The following LRP1B variants were observed in gnomAD, a reference collection of about 807,000 sequenced individuals.
LRP1B encodes the protein low-density lipoprotein receptor-related protein 1B.
LRP1B carries 217 observed loss-of-function variants against 556.6 expected under a neutral mutation model. That is an observed-to-expected ratio of 0.39 (90% CI 0.35 to 0.44). The LOEUF is 0.44. Among genes scored for constraint, LRP1B ranks in the 20% least tolerant of loss-of-function variants. The pLI is 1.00. For missense variants in LRP1B, 5,053 were observed against 5,620.8 expected, an observed-to-expected ratio of 0.90 and a Z score of 3.23; for synonymous variants, 2,047 against 1,865.8, an observed-to-expected ratio of 1.10 and a Z score of -2.50.
chr2:141,016,029 C>A, intron 12 of LRP1B, 114 bp from the exon 13 acceptor site: 1 of 771,268 alleles, frequency 1.3e-6, no homozygotes, highest in Non-Finnish European at 2.2e-6. Flanking sequence ...CTGATTTGTC[C>A]TCCTATCTAA....
At chr2:141,945,941 T>C (rs1700943039) in intron 1 of LRP1B, among the ~76,000 whole-genome samples, 1 of 61,654 alleles carries the variant, frequency 1.6e-5, no homozygotes, top group African/African-American at 3.8e-5. Context: ...GATTTATTTA[T>C]TTATTTATTT....
rs1477786252 is a variant in LRP1B, at chr2:140,886,217, A to G, written c.3885T>C (p.Phe1295=). Residue 1295 remains phenylalanine, a synonymous_variant, in exon 24 of 91, where the codon TTT becomes TTC. Coordinates refer to ENST00000389484, the MANE Select transcript of LRP1B (RefSeq NM_018557.3). ...AATAAAGTAAACTTTGATTGAAGTG[A>G]AAATCAAGTGCTATTGTGTTTCTCA... ...PGLRNTIALD[F]HFNQSLLYWT... 2.5e-5 allele frequency: 41 copies of G among 1,611,000 alleles called. No homozygotes were observed. The highest frequency in any genetic ancestry group is 3.4e-5 in the Non-Finnish European group (40 of 1,177,674).
At chr2:140,358,753 GTT>G (rs1682361631) in intron 73 of LRP1B, 66 bp downstream of exon 73, 7 of 1,528,550 alleles carry the variant, frequency 4.6e-6, no homozygotes, top group Non-Finnish European at 6.3e-6. Context: ...TTTTTAAAAT[GTT>G]TGTACTCCAA....
intron 45 of LRP1B, among the ~76,000 whole-genome samples, chr2:140,538,017 A>T (rs1679991298): frequency 6.6e-6 from 1 of 152,100 alleles, no homozygotes; most frequent in Non-Finnish European, 1.5e-5. Context: ...ATTATGTTGG[A>T]GGTAAGTAGA....
chr2:141,253,495 C>A lies in LRP1B; in HGVS notation c.463+1027G>T, dbSNP rs191416314. 3.3e-4 allele frequency among the ~76,000 whole-genome samples: 50 copies of A among 152,186 alleles called. 1 individual carries two copies. Among genetic ancestry groups the A allele is most frequent in the Admixed American group, 2.9e-3 (44 of 15,260 alleles). ...AAATGTAACTGAAAAGTCAATGAGC[C>A]TCTTCAGGATAAGACTAAGTGGGCT... On this transcript the variant is annotated intron_variant, in intron 4 of 90. Coordinates refer to ENST00000389484, the MANE Select transcript of LRP1B (RefSeq NM_018557.3).
At chr2:141,055,815 T>TGC (rs1250190554) in intron 9 of LRP1B, among the ~76,000 whole-genome samples, 1 of 151,106 alleles carries the variant, frequency 6.6e-6, no homozygotes, top group Non-Finnish European at 1.5e-5. Context: ...TGTGTGTGTG[T>TGC]GTGTGTGTGT....
At chr2:140,456,061 C>T (rs918611432) in intron 62 of LRP1B, among the ~76,000 whole-genome samples, 1 of 152,048 alleles carries the variant, frequency 6.6e-6, no homozygotes, top group African/African-American at 2.4e-5. Context: ...AATCTAGAGA[C>T]TTACTCTCTA....
chr2:141,547,975 G>A (rs1188529897), intron 2 of LRP1B, among the ~76,000 whole-genome samples: 2 of 152,106 alleles, frequency 1.3e-5, no homozygotes, highest in African/African-American at 2.4e-5. Flanking sequence ...GGGTGACAGT[G>A]GCAGAGACTT....
chr2:141,206,732 C>T (rs1276462279), intron 6 of LRP1B, among the ~76,000 whole-genome samples: 1 of 152,118 alleles, frequency 6.6e-6, no homozygotes, highest in Non-Finnish European at 1.5e-5. Flanking sequence ...CTTTTCCACA[C>T]AAACTTGTAA....
intron 43 of LRP1B, among the ~76,000 whole-genome samples, chr2:140,564,377 C>CAGATTTTCT (rs747251440): frequency 6.4e-4 from 97 of 152,136 alleles, no homozygotes; most frequent in Non-Finnish European, 1.3e-3. Flanking sequence ...CCTTGGATTT[C>CAGATTTTCT]AGATTTTCTA....
chr2:141,015,566 C>T (rs1048667800), intron 13 of LRP1B, 130 bp downstream of exon 13: 1 of 724,556 alleles, frequency 1.4e-6, no homozygotes, highest in Non-Finnish European at 2.3e-6. Flanking sequence ...GCTTCAGCCA[C>T]CCCATGGAGA....
chr2:140,784,129 T>G (rs1233024685), intron 32 of LRP1B, among the ~76,000 whole-genome samples: 1 of 152,040 alleles, frequency 6.6e-6, no homozygotes, highest in African/African-American at 2.4e-5. Context: ...CCCTAGAGAT[T>G]GTCACTGAAT....
rs567613562 is a variant in LRP1B, at chr2:141,009,640, T to C, written c.2380+3916A>G. Among the ~76,000 whole-genome samples, 12 of 152,130 alleles carry C rather than the reference T, an allele frequency of 7.9e-5. No individual in the cohort carries two copies. The East Asian group carries it at 2.3e-3, about 29-fold the overall frequency. On this transcript the variant is annotated intron_variant, in intron 14 of 90. Coordinates refer to ENST00000389484, the MANE Select transcript of LRP1B (RefSeq NM_018557.3). ...TAAAATAATGTGATTAATAAATATG[T>C]CATACATTAAATAAAAACTGCTATG...
chr2:141,875,661 G>A (rs1698732400), intron 1 of LRP1B, among the ~76,000 whole-genome samples: 1 of 151,924 alleles, frequency 6.6e-6, no homozygotes, highest in African/African-American at 2.4e-5. Context: ...GAGAATGAAA[G>A]CGATTACTTA....
In LRP1B at chr2:141,116,841, A is replaced by T. The variant is rs16845476; in HGVS notation, c.1014-54568T>A. Among the ~76,000 whole-genome samples, 85 of 151,990 alleles carry T rather than the reference A, an allele frequency of 5.6e-4. 1 individual carries two copies. Among genetic ancestry groups the T allele is most frequent in the African/African-American group, 1.8e-3 (73 of 41,460 alleles). The stretch of plus-strand genomic sequence containing the variant: ...TCTTATTTCTACGAGATGACTTTCC[A>T]TAGTCTTACCACACATTGATTGTAT... On this transcript the variant is annotated intron_variant, in intron 7 of 90. Transcript: ENST00000389484.
chr2:140,713,408 T>C (rs970805326), intron 37 of LRP1B, among the ~76,000 whole-genome samples: 2 of 152,052 alleles, frequency 1.3e-5, no homozygotes, highest in Non-Finnish European at 2.9e-5. Flanking sequence ...CTCCATTACT[T>C]GGCTTGAGGG....
At chr2:140,570,402 T>C (rs929811708) in intron 43 of LRP1B, among the ~76,000 whole-genome samples, 2 of 151,494 alleles carry the variant, frequency 1.3e-5, no homozygotes, top group Non-Finnish European at 3.0e-5. Flanking sequence ...GACAACTACA[T>C]ACTGACAAAT....
At chr2:141,968,089 C>T (rs1210387037) in intron 1 of LRP1B, among the ~76,000 whole-genome samples, 1 of 151,738 alleles carries the variant, frequency 6.6e-6, no homozygotes, top group Non-Finnish European at 1.5e-5. Context: ...AGGCTTGCAC[C>T]CTGTAATCAG....
intron 2 of LRP1B, among the ~76,000 whole-genome samples, chr2:141,517,154 C>A (rs866916755): frequency 1.4e-5 from 2 of 147,062 alleles, no homozygotes; most frequent in African/African-American, 4.9e-5. Context: ...ACATGAGTTA[C>A]TATTTTCATT....
Sources: gnomAD v4.1 joint callset for allele counts (sites outside exome capture counted in the v4.1 genomes callset) on GRCh38, gnomAD v4.1.1 for gene constraint, MANE v1.5 for transcripts, NCBI Gene and HGNC (gene_info 2026-07-23, HGNC 2026-07-21) for gene names.